DPY19L2: variants seen among roughly 807,000 people sequenced by gnomAD.
DPY19L2 encodes the protein dpy-19 like 2, also known as probable C-mannosyltransferase DPY19L2.
DPY19L2 carries 34 observed loss-of-function variants against 97.9 expected under a neutral mutation model. The observed-to-expected ratio is 0.35, with a 90% CI of 0.26 to 0.46. The LOEUF is 0.46. Ranked by LOEUF, DPY19L2 falls within the 20% of genes least tolerant of loss-of-function variation. The pLI, the probability that DPY19L2 is intolerant of heterozygous loss-of-function variation, is 1.00. For missense variants in DPY19L2, 623 were observed against 911.4 expected (o/e 0.68, Z 4.07); for synonymous variants, 230 against 307.9 (o/e 0.75, Z 2.65).
intron 6 of DPY19L2, among the ~76,000 whole-genome samples, chr12:63,636,578 G>A (rs1283424224): frequency 6.6e-6 from 1 of 152,062 alleles, no homozygotes; most frequent in Non-Finnish European, 1.5e-5. Context: ...AGGGATGGAG[G>A]AAGATCTACC....
intron 4 of DPY19L2, among the ~76,000 whole-genome samples, chr12:63,659,410 G>T (rs1449166242): frequency 6.6e-6 from 1 of 150,810 alleles, no homozygotes; most frequent in Non-Finnish European, 1.5e-5. Context: ...ATTCAATATT[G>T]TTAAGATGTC....
At position 63,644,715 on chromosome 12, in the gene DPY19L2, T is replaced by C. The variant is rs371652225; in HGVS notation, c.710-219A>G. ...GTATGTGTGTATATATATGTGTGTG[T>C]ATATATACACATACACGTATGTAAG... On this transcript the variant is annotated intron_variant, in intron 5 of 21. Transcript: ENST00000324472. Among the ~76,000 whole-genome samples the C allele has an allele frequency of 3.9e-4, 59 of 152,194 alleles. No individual in the cohort carries two copies. In the East Asian group the frequency reaches 9.7e-3, roughly 25 times the overall value.
At chr12:63,587,259 C>T (rs1881951580) in intron 16 of DPY19L2, among the ~76,000 whole-genome samples, 1 of 151,958 alleles carries the variant, frequency 6.6e-6, no homozygotes, top group African/African-American at 2.4e-5. Context: ...CTATATAAAG[C>T]AAACACTATT....
rs1405411744 is a variant in DPY19L2, at chr12:63,560,486, C to T, written c.*26G>A. 6.2e-7 allele frequency: 1 copy of T among 1,606,536 alleles called. No homozygotes were observed. The highest frequency in any genetic ancestry group is 1.7e-5 in the Admixed American group (1 of 59,336). ...ATTGTTTTTGACACACGGCATTGTG[C>T]CATAGTAAAATGGGTAGTATCCTTC... On this transcript the variant is annotated 3_prime_UTR_variant, in exon 22 of 22. Coordinates refer to ENST00000324472, the MANE Select transcript of DPY19L2 (RefSeq NM_173812.5).
chr12:63,590,937 C>A (rs909771276), intron 16 of DPY19L2: 19 of 388,338 alleles, frequency 4.9e-5, no homozygotes, highest in Admixed American at 2.7e-4. Flanking sequence ...TCCATTGACC[C>A]CTCCGAGTCT....
intron 3 of DPY19L2, among the ~76,000 whole-genome samples, chr12:63,663,031 G>A (rs1273151758): frequency 6.6e-6 from 1 of 152,060 alleles, no homozygotes; most frequent in Admixed American, 6.5e-5. Flanking sequence ...TCACTGAATC[G>A]TACACTTAAA....
chr12:63,630,541 A>C (rs1488818198), intron 6 of DPY19L2, among the ~76,000 whole-genome samples: 2 of 152,164 alleles, frequency 1.3e-5, no homozygotes, highest in Non-Finnish European at 2.9e-5. Context: ...TATGCACCCA[A>C]TACAGGAGCA....
chr12:63,592,706 T>C lies in DPY19L2; in HGVS notation c.1580+1381A>G, dbSNP rs1477799182. Reference sequence around the variant, plus strand: ...AAACCCTAGAAGAAAACCTAGGCATTACCATTCAGGACATAGGCATGGGCA... The same window carrying C: ...AAACCCTAGAAGAAAACCTAGGCATCACCATTCAGGACATAGGCATGGGCA... On this transcript the variant is annotated intron_variant, in intron 16 of 21. Transcript: ENST00000324472. 4.0e-5 allele frequency among the ~76,000 whole-genome samples: 6 copies of C among 148,526 alleles called. No homozygotes were observed. In the South Asian group the frequency reaches 1.1e-3, roughly 27 times the overall value.
chr12:63,650,688 G>A (rs2936230), intron 4 of DPY19L2, among the ~76,000 whole-genome samples: 2 of 151,910 alleles, frequency 1.3e-5, no homozygotes, highest in African/African-American at 4.8e-5. Flanking sequence ...AAGAAATCAG[G>A]GGCAATAAAA....
At chr12:63,607,717 A>G (rs1414086273) in intron 12 of DPY19L2, among the ~76,000 whole-genome samples, 1 of 152,068 alleles carries the variant, frequency 6.6e-6, no homozygotes, top group Admixed American at 6.5e-5. Context: ...GGCTCACTGT[A>G]ACCTTCCAGG....
chr12:63,600,631 T>TTTTTTTTTA (rs1884988220), intron 12 of DPY19L2, among the ~76,000 whole-genome samples: 1 of 117,076 alleles, frequency 8.5e-6, no homozygotes, highest in African/African-American at 3.2e-5. Context: ...TTTTTTTTTT[T>TTTTTTTTTA]GTCTTAAGGA....
intron 19 of DPY19L2, among the ~76,000 whole-genome samples, chr12:63,577,334 A>G (rs1880031403): frequency 6.6e-6 from 1 of 152,110 alleles, no homozygotes; most frequent in Admixed American, 6.5e-5. Context: ...TGAAATTACT[A>G]CAAGAAAACT....
At chr12:63,617,473 A>G in intron 10 of DPY19L2, 83 bp from the exon 11 acceptor site, 1 of 849,574 alleles carries the variant, frequency 1.2e-6, no homozygotes, top group Non-Finnish European at 1.8e-6. Flanking sequence ...AGCCATTTCT[A>G]ATGCAAATTT....
intron 12 of DPY19L2, among the ~76,000 whole-genome samples, chr12:63,606,182 A>C (rs550853919): frequency 9.5e-4 from 144 of 152,150 alleles, no homozygotes; most frequent in African/African-American, 3.4e-3. Flanking sequence ...TTTGTCAATT[A>C]TTTTATTCTT....
intron 13 of DPY19L2, among the ~76,000 whole-genome samples, chr12:63,599,842 C>A (rs1250683384): frequency 6.6e-6 from 1 of 152,020 alleles, no homozygotes; most frequent in Admixed American, 6.5e-5. Context: ...TTAACATTCT[C>A]TTTTTATATA....
Position 63,591,558 on chromosome 12 carries a change from A to G in DPY19L2, c.1580+2529T>C, listed in dbSNP as rs768961540. 1.1e-4 allele frequency among the ~76,000 whole-genome samples: 17 copies of G among 152,110 alleles called. 1 individual carries two copies. Among genetic ancestry groups the G allele is most frequent in the Non-Finnish European group, 2.1e-4 (14 of 68,006 alleles). ...AATTTACTTCTTGAGTTTTGTAGCA[A>G]TTTACTTATGTGTGACTGATACGAT... On this transcript the variant is annotated intron_variant, in intron 16 of 21. Transcript: ENST00000324472.
chr12:63,595,760 T>C (rs936234830), intron 15 of DPY19L2, among the ~76,000 whole-genome samples: 2 of 152,184 alleles, frequency 1.3e-5, no homozygotes, highest in African/African-American at 4.8e-5. Flanking sequence ...AGTTGGTGAC[T>C]GGTATGTATC....
chr12:63,629,544 C>T (rs562606987), intron 6 of DPY19L2, among the ~76,000 whole-genome samples: 15 of 152,204 alleles, frequency 9.9e-5, no homozygotes, highest in African/African-American at 3.1e-4. Flanking sequence ...CAAACAAAGC[C>T]TCCAAGAAAT....
chr12:63,564,929 G>A (rs1565689227), intron 21 of DPY19L2, among the ~76,000 whole-genome samples: 1 of 151,982 alleles, frequency 6.6e-6, no homozygotes, highest in African/African-American at 2.4e-5. Context: ...AATGTTCAGG[G>A]TTGCTACATC....
Sources: allele counts gnomAD v4.1 joint callset (sites outside exome capture counted in the v4.1 genomes callset), GRCh38; gene constraint gnomAD v4.1.1; transcripts MANE v1.5; gene names NCBI Gene and HGNC (gene_info 2026-07-23, HGNC 2026-07-21).